Variants in TASP1 observed in about 807,000 individuals in gnomAD.
TASP1 encodes the protein threonine aspartase 1.
In TASP1, 16 loss-of-function variants were observed where a neutral mutation model predicts 56.6. The observed-to-expected ratio is 0.28, with a 90% confidence interval of 0.19 to 0.43. The LOEUF (loss-of-function observed/expected upper bound fraction) is 0.43. Ranked by LOEUF, TASP1 falls within the 20% of genes least tolerant of loss-of-function variation. The pLI is 1.00. For missense variants in TASP1, 393 were observed against 511.6 expected, an observed-to-expected ratio of 0.77 and a Z score of 2.24; for synonymous variants, 179 against 184.2, an observed-to-expected ratio of 0.97 and a Z score of 0.23.
At chr20:13,589,613 C>T (rs991263535) in intron 4 of TASP1, among the ~76,000 whole-genome samples, 2 of 151,744 alleles carry the variant, frequency 1.3e-5, no homozygotes, top group Non-Finnish European at 2.9e-5. Context: ...AATAGGACTT[C>T]ATCAAAATTT....
the TASP1 span, among the ~76,000 whole-genome samples, chr20:13,363,073 G>C: frequency 6.6e-6 from 1 of 151,876 alleles, no homozygotes; most frequent in Non-Finnish European, 1.5e-5. Context: ...TTGTGAACCT[G>C]AGTGATAGGA....
At chr20:13,362,491 C>T in the TASP1 span, among the ~76,000 whole-genome samples, 2 of 136,742 alleles carry the variant, frequency 1.5e-5, no homozygotes, top group Non-Finnish European at 3.1e-5. Context: ...CTTGAGACCC[C>T]CACTCCTGCC....
the TASP1 span, among the ~76,000 whole-genome samples, chr20:13,160,711 T>C: frequency 6.6e-6 from 1 of 152,208 alleles, no homozygotes; most frequent in African/African-American, 2.4e-5. Flanking sequence ...AAATGCAGTT[T>C]TGCAAACACT....
chr20:13,288,515 G>T, the TASP1 span: 2 of 1,609,830 alleles, frequency 1.2e-6, no homozygotes, highest in South Asian at 1.1e-5. Flanking sequence ...CAAAGTTGAT[G>T]ACCATCTCCC....
the TASP1 span, among the ~76,000 whole-genome samples, chr20:13,233,451 C>T: frequency 3.3e-5 from 5 of 151,916 alleles, no homozygotes; most frequent in South Asian, 2.1e-4. Flanking sequence ...CAAAATTAGC[C>T]GGGCGTGGTG....
the TASP1 span, among the ~76,000 whole-genome samples, chr20:13,286,976 T>C: frequency 6.6e-6 from 1 of 152,108 alleles, no homozygotes; most frequent in African/African-American, 2.4e-5. Flanking sequence ...AGAGCAGAGG[T>C]ACTGCAGAAA....
chr20:13,576,394 A>AAAGAAAGTAAGT lies in TASP1; in HGVS notation c.488+4502_488+4503insACTTACTTTCTT, dbSNP rs774830810. Among the ~76,000 whole-genome samples the AAAGAAAGTAAGT allele has an allele frequency of 4.8e-5, 7 of 147,154 alleles. No individual in the cohort carries two copies. The East Asian group carries it at 1.4e-3, about 29-fold the overall frequency. The stretch of plus-strand genomic sequence containing the variant: ...GAAAGAAAGAAAGAAAGAAAGAAAG[A>AAAGAAAGTAAGT]AAGTCAGTCTTATGGAATCTATAAA... On this transcript the variant is annotated intron_variant, in intron 6 of 13. Transcript: ENST00000337743.
At chr20:13,354,526 C>A in the TASP1 span, among the ~76,000 whole-genome samples, 3 of 152,254 alleles carry the variant, frequency 2.0e-5, no homozygotes, top group African/African-American at 7.2e-5. Context: ...TACAAACAGA[C>A]AAATTACAAA....
At chr20:13,455,459 A>G (rs576771691) in intron 11 of TASP1, among the ~76,000 whole-genome samples, 2 of 152,256 alleles carry the variant, frequency 1.3e-5, no homozygotes, top group South Asian at 2.1e-4. Flanking sequence ...AGCCCCTCTC[A>G]TAGTGACATC....
intron 7 of TASP1, among the ~76,000 whole-genome samples, chr20:13,560,533 T>G (rs1172571382): frequency 6.6e-6 from 1 of 152,032 alleles, no homozygotes; most frequent in Non-Finnish European, 1.5e-5. Flanking sequence ...CATAACTGAG[T>G]CCATTACTCC....
At chr20:13,406,661 G>GTT (rs201624204) in intron 13 of TASP1, among the ~76,000 whole-genome samples, 3 of 129,434 alleles carry the variant, frequency 2.3e-5, no homozygotes, top group African/African-American at 9.4e-5. Flanking sequence ...TATTTTGAGG[G>GTT]TTTTTTCTTT....
rs1464799084 is a variant in TASP1 at position 13,390,167 on chromosome 20, C to T, written c.*193G>A. On this transcript the variant is annotated 3_prime_UTR_variant, in exon 14 of 14. Transcript: ENST00000337743. ...GCACATACGCGCACACACTCACACACAGTCCCGCTCACCCACCAAAGGCCC... is the reference window on the plus strand; with the variant it reads ...GCACATACGCGCACACACTCACACATAGTCCCGCTCACCCACCAAAGGCCC... 1.6e-5 allele frequency: 9 copies of T among 555,260 alleles called. No homozygotes were observed. The East Asian group carries it at 1.9e-4, about 11-fold the overall frequency. The allele number at this position is 555,260 out of a possible 1,614,324, so 34.4% of individuals were successfully genotyped here.
chr20:13,486,204 TCAAAGG>T (rs1454227000), intron 10 of TASP1, among the ~76,000 whole-genome samples: 1 of 152,170 alleles, frequency 6.6e-6, no homozygotes, highest in Non-Finnish European at 1.5e-5. Flanking sequence ...GAAGTGTGAT[TCAAAGG>T]CAAACAGTTC....
intron 12 of TASP1, among the ~76,000 whole-genome samples, chr20:13,423,709 G>A (rs889065697): frequency 6.6e-6 from 1 of 152,202 alleles, no homozygotes; most frequent in Non-Finnish European, 1.5e-5. Context: ...AGGAACTTGA[G>A]TGAAGGGCAA....
chr20:13,214,240 C>T, the TASP1 span, among the ~76,000 whole-genome samples: 1 of 152,152 alleles, frequency 6.6e-6, no homozygotes, highest in Non-Finnish European at 1.5e-5. Context: ...TTGTATTTAG[C>T]AGGTTTCTCT....
chr20:13,186,818 A>G, the TASP1 span, among the ~76,000 whole-genome samples: 1 of 152,232 alleles, frequency 6.6e-6, no homozygotes, highest in Non-Finnish European at 1.5e-5. Flanking sequence ...CAGCCAATAC[A>G]ATGTGTTCAA....
the TASP1 span, chr20:13,164,872 C>A: frequency 6.2e-7 from 1 of 1,610,120 alleles, no homozygotes; most frequent in Non-Finnish European, 8.5e-7. Flanking sequence ...GATTAAGTTT[C>A]CTGGTCCTGA....
chr20:13,540,977 T>C (rs1224432995), intron 8 of TASP1, among the ~76,000 whole-genome samples: 1 of 152,200 alleles, frequency 6.6e-6, no homozygotes, highest in African/African-American at 2.4e-5. Flanking sequence ...TTTTTCCTAT[T>C]GGCATAAGGC....
intron 4 of TASP1, among the ~76,000 whole-genome samples, chr20:13,614,140 G>C (rs866275920): frequency 2.0e-5 from 3 of 152,230 alleles, no homozygotes; most frequent in South Asian, 2.1e-4. Flanking sequence ...TAGCCAAATA[G>C]AGCACTCTAC....
Sources: gnomAD v4.1 joint callset for allele counts (sites outside exome capture counted in the v4.1 genomes callset) on GRCh38, gnomAD v4.1.1 for gene constraint, MANE v1.5 for transcripts, NCBI Gene and HGNC (gene_info 2026-07-23, HGNC 2026-07-21) for gene names.